Variants in PGAP4 observed in about 807,000 individuals in gnomAD.
The protein encoded by PGAP4 is GPI-N-acetylgalactosamine transferase PGAP4.
Under a neutral mutation model 28.2 loss-of-function variants are expected in PGAP4, and 12 were observed. That is an observed-to-expected ratio of 0.42 (90% CI 0.27 to 0.69). The LOEUF is 0.69. Ranked by LOEUF, PGAP4 falls within the 30% of genes least tolerant of loss-of-function variation. The pLI, the probability that PGAP4 is intolerant of heterozygous loss-of-function variation, is 0.22. For missense variants in PGAP4, 425 were observed against 513.5 expected (o/e 0.83, Z 1.67); for synonymous variants, 205 against 211.8 (o/e 0.97, Z 0.28).
upstream of PGAP4, among the ~76,000 whole-genome samples, chr9:101,488,733 A>T (rs1826657158): frequency 6.6e-6 from 1 of 152,182 alleles, no homozygotes; most frequent in African/African-American, 2.4e-5. Context: ...AAAATTAAAT[A>T]AAATGTAATA....
At chr9:101,507,862 G>C (rs1028665598) in intron 2 of PGAP4, among the ~76,000 whole-genome samples, 5 of 152,106 alleles carry the variant, frequency 3.3e-5, no homozygotes, top group Non-Finnish European at 7.4e-5. Context: ...AGGTAATGCT[G>C]TGTATCCCCA....
intron 1 of PGAP4, among the ~76,000 whole-genome samples, chr9:101,531,952 T>C (rs1213019860): frequency 1.1e-4 from 16 of 152,180 alleles, no homozygotes; most frequent in Admixed American, 1.0e-3. Flanking sequence ...CATGATCTAT[T>C]AATAAAAGAG....
chr9:101,476,400 G>C lies in PGAP4; in HGVS notation c.693C>G (p.Arg231=). ...CATCTCTGAGATGTGGCTCAGAGAA[G>C]CGAGCCCGCAGAAGGTGCTCCAAGA... is the stretch of plus-strand genomic sequence containing the variant. The part of the protein sequence containing the change: ...FPVLEHLLRA[R]FSEPHLRDAL... Residue 231 remains arginine (R), a synonymous_variant, in exon 2 of 2, where the codon CGC becomes CGG. Transcript: ENST00000374848. This position sits in a 1 kb window ranked among gnomAD's most constrained non-coding sequence, Gnocchi z 7.0. The C allele has an allele frequency of 6.2e-7, 1 of 1,614,130 alleles. No individual in the cohort carries two copies. The highest frequency in any genetic ancestry group is 8.5e-7 in the Non-Finnish European group (1 of 1,180,028).
intron 2 of PGAP4, among the ~76,000 whole-genome samples, chr9:101,502,237 A>G (rs1826809975): frequency 6.6e-6 from 1 of 152,056 alleles, no homozygotes; most frequent in Non-Finnish European, 1.5e-5. Flanking sequence ...TGAGGGGTAG[A>G]AAAGGGAAGT....
chr9:101,487,503 A>G (rs988268141), upstream of PGAP4, among the ~76,000 whole-genome samples: 15 of 152,240 alleles, frequency 9.9e-5, no homozygotes, highest in African/African-American at 3.6e-4. Context: ...AAGTATGCAC[A>G]TTGATTGAGA....
chr9:101,494,870 C>G (rs1396267028), intron 2 of PGAP4, among the ~76,000 whole-genome samples: 1 of 151,112 alleles, frequency 6.6e-6, no homozygotes, highest in Non-Finnish European at 1.5e-5. Flanking sequence ...AGCATTACAC[C>G]AGGACCATTA....
intron 2 of PGAP4, among the ~76,000 whole-genome samples, chr9:101,527,626 T>C (rs987777334): frequency 6.6e-6 from 1 of 152,320 alleles, no homozygotes. Flanking sequence ...AACAATTTTC[T>C]CATGGGCCAC....
At chr9:101,527,387 C>G (rs1056757731) in intron 2 of PGAP4, among the ~76,000 whole-genome samples, 5 of 152,132 alleles carry the variant, frequency 3.3e-5, no homozygotes, top group African/African-American at 1.2e-4. Flanking sequence ...TGCCTTTGGG[C>G]ACCAGAAATT....
At chr9:101,485,539 A>G (rs1248624076) in intron 1 of PGAP4, among the ~76,000 whole-genome samples, 2 of 152,236 alleles carry the variant, frequency 1.3e-5, no homozygotes, top group African/African-American at 2.4e-5. Context: ...AGATACTCCA[A>G]CTGAAAAATG....
intron 2 of PGAP4, chr9:101,501,841 G>A: frequency 2.0e-6 from 1 of 490,258 alleles, no homozygotes; most frequent in Non-Finnish European, 4.1e-6. Context: ...ATACAAAAAA[G>A]GGGGATCAAG....
At chr9:101,508,664 G>A (rs1023562604) in intron 2 of PGAP4, among the ~76,000 whole-genome samples, 3 of 152,048 alleles carry the variant, frequency 2.0e-5, no homozygotes, top group Non-Finnish European at 4.4e-5. Flanking sequence ...AGACAGGGTC[G>A]GGGGATGGTT....
chr9:101,515,677 G>A (rs1461022552), intron 2 of PGAP4, among the ~76,000 whole-genome samples: 1 of 151,962 alleles, frequency 6.6e-6, no homozygotes, highest in East Asian at 1.9e-4. Flanking sequence ...ATTCATAAAT[G>A]TATTAGGAAA....
intron 1 of PGAP4, among the ~76,000 whole-genome samples, chr9:101,482,700 T>A (rs904957028): frequency 2.6e-5 from 4 of 152,172 alleles, no homozygotes; most frequent in African/African-American, 9.7e-5. Flanking sequence ...AACTCAACCA[T>A]CAAGAATTAG....
chr9:101,520,701 C>T (rs897882670), intron 2 of PGAP4, among the ~76,000 whole-genome samples: 24 of 152,208 alleles, frequency 1.6e-4, no homozygotes, highest in African/African-American at 5.5e-4. Flanking sequence ...GATTTGGATG[C>T]CCCTTATTTC....
chr9:101,514,098 T>C (rs540740910), intron 2 of PGAP4, among the ~76,000 whole-genome samples: 25 of 152,214 alleles, frequency 1.6e-4, no homozygotes, highest in Admixed American at 1.4e-3. Flanking sequence ...AGTCCACTGA[T>C]TCTTATGCCA....
In PGAP4 at chr9:101,476,308, A is replaced by T; in HGVS notation, c.785T>A (p.Ile262Asn). The T allele has an allele frequency of 1.9e-6, 3 of 1,614,054 alleles. No individual in the cohort carries two copies. Among genetic ancestry groups the T allele is most frequent in the Non-Finnish European group, 2.5e-6 (3 of 1,179,998 alleles). ...QHYINPEPMR[I>N]LEWVGVGMLL... Reference sequence around the variant, plus strand: ...CATGCCTACACCAACCCATTCCAGGATCCGCATGGGCTCTGGATTGATGTA... The same window carrying T: ...CATGCCTACACCAACCCATTCCAGGTTCCGCATGGGCTCTGGATTGATGTA... The change falls in exon 2 of 2, where the codon ATC becomes AAC. Residue 262 changes from isoleucine to asparagine, a missense_variant. Coordinates refer to ENST00000374848, the MANE Select transcript of PGAP4 (RefSeq NM_032342.3). The surrounding 1 kb of genome is among the most constrained non-coding windows in gnomAD (Gnocchi z 7.0).
exon 1 of PGAP4, chr9:101,532,897 A>G (rs1052702662): frequency 2.0e-5 from 3 of 151,516 alleles, no homozygotes; most frequent in African/African-American, 7.3e-5. Context: ...TTTTTTTCCC[A>G]AGATGCCTAA....
chr9:101,494,023 T>C (rs1284786177), intron 2 of PGAP4, among the ~76,000 whole-genome samples: 1 of 152,042 alleles, frequency 6.6e-6, no homozygotes, highest in Admixed American at 6.6e-5. Flanking sequence ...ATATTGATCG[T>C]ATAAGAATTT....
At chr9:101,488,201 A>T (rs1453321626), upstream of PGAP4, among the ~76,000 whole-genome samples, 1 of 152,226 alleles carries the variant, frequency 6.6e-6, no homozygotes, top group Non-Finnish European at 1.5e-5. Context: ...ACAATGAAGT[A>T]AGAATGAGGT....
Sources: allele counts gnomAD v4.1 joint callset (sites outside exome capture counted in the v4.1 genomes callset), GRCh38; gene constraint gnomAD v4.1.1; non-coding constraint Gnocchi (gnomAD v3.1); transcripts MANE v1.5; gene names NCBI Gene and HGNC (gene_info 2026-07-23, HGNC 2026-07-21).